PARD3B: variants seen among roughly 807,000 people sequenced by gnomAD.
PARD3B encodes the protein partitioning defective 3 homolog B.
PARD3B carries 103 observed loss-of-function variants against 130.2 expected under a neutral mutation model. That is an observed-to-expected ratio of 0.79 (90% CI 0.67 to 0.93). The LOEUF is 0.93. PARD3B is among the 40% of genes least tolerant of loss of function. The pLI, the probability that PARD3B is intolerant of heterozygous loss-of-function variation, is 0.00. For synonymous variants in PARD3B, 583 were observed against 553.2 expected (o/e 1.05, Z -0.76); for missense variants, 1,609 against 1,499.2 (o/e 1.07, Z -1.21).
chr2:204,877,997 A>G (rs543426557), intron 2 of PARD3B, among the ~76,000 whole-genome samples: 25 of 152,332 alleles, frequency 1.6e-4, no homozygotes, highest in Admixed American at 3.3e-4. Context: ...GTTGTAAATG[A>G]AAAAGCTGCC....
rs771092713 is a variant in PARD3B at position 204,610,913 on chromosome 2, C to T, written c.120+64794C>T. Among the ~76,000 whole-genome samples the T allele has an allele frequency of 1.3e-5, 2 of 152,062 alleles. No individual in the cohort carries two copies. The highest frequency in any genetic ancestry group is 2.9e-5 in the Non-Finnish European group (2 of 67,996). On this transcript the variant is annotated intron_variant, in intron 1 of 22. Transcript: ENST00000406610. This position sits in a 1 kb window ranked among gnomAD's most constrained non-coding sequence, Gnocchi z 4.1. ...AATTTACTCAGATTTTTGAAGATTC[C>T]AAAGACATTTTACAATGTACACTGA...
At chr2:204,834,878 C>T (rs962512287) in intron 2 of PARD3B, among the ~76,000 whole-genome samples, 1 of 152,120 alleles carries the variant, frequency 6.6e-6, no homozygotes, top group Non-Finnish European at 1.5e-5. Context: ...GTTTTTAGTC[C>T]TGATTCTAAG....
intron 2 of PARD3B, among the ~76,000 whole-genome samples, chr2:204,886,047 T>G (rs571457982): frequency 1.3e-5 from 2 of 152,318 alleles, no homozygotes; most frequent in African/African-American, 4.8e-5. Context: ...TTCCCATCGT[T>G]ATTTTCTGTT....
At chr2:205,252,853 C>CCCCA (rs2039916027) in intron 16 of PARD3B, among the ~76,000 whole-genome samples, 7 of 80,450 alleles carry the variant, frequency 8.7e-5, no homozygotes, top group East Asian at 4.3e-4. Context: ...CCCCCCCCAC[C>CCCCA]AAAAAAAAAA....
intron 15 of PARD3B, among the ~76,000 whole-genome samples, chr2:205,206,542 G>T (rs1217176383): frequency 6.6e-6 from 1 of 151,190 alleles, no homozygotes; most frequent in Non-Finnish European, 1.5e-5. Context: ...CAAAGGACAT[G>T]AACTCATCAT....
intron 16 of PARD3B, among the ~76,000 whole-genome samples, chr2:205,271,366 A>C (rs1028762384): frequency 6.6e-6 from 1 of 152,236 alleles, no homozygotes; most frequent in Non-Finnish European, 1.5e-5. Flanking sequence ...GGACACCCCC[A>C]TAATCCCCTT....
At chr2:204,785,964 A>T (rs1474820197) in intron 2 of PARD3B, among the ~76,000 whole-genome samples, 1 of 151,918 alleles carries the variant, frequency 6.6e-6, no homozygotes, top group Admixed American at 6.6e-5. Flanking sequence ...AATACAAAAA[A>T]ATAGCTGGGC....
intron 2 of PARD3B, among the ~76,000 whole-genome samples, chr2:204,704,604 C>G (rs947511971): frequency 2.0e-5 from 3 of 152,136 alleles, no homozygotes; most frequent in African/African-American, 4.8e-5. Context: ...TATTATCTTG[C>G]TTTGCTAATC....
intron 2 of PARD3B, among the ~76,000 whole-genome samples, chr2:204,946,924 G>A (rs1689374761): frequency 6.6e-6 from 1 of 152,156 alleles, no homozygotes; most frequent in South Asian, 2.1e-4. Flanking sequence ...ACACCAAAAT[G>A]TTCAGCTCAT....
Position 205,352,150 on chromosome 2 carries a change from C to T in PARD3B, c.2631-48863C>T, listed in dbSNP as rs1412730803. Among the ~76,000 whole-genome samples the T allele has an allele frequency of 6.6e-6, 1 of 152,072 alleles. No individual in the cohort carries two copies. The highest frequency in any genetic ancestry group is 1.5e-5 in the Non-Finnish European group (1 of 68,016). On this transcript the variant is annotated intron_variant, in intron 18 of 22. Coordinates refer to ENST00000406610, the MANE Select transcript of PARD3B (RefSeq NM_001302769.2). This position sits in a 1 kb window ranked among gnomAD's most constrained non-coding sequence, Gnocchi z 5.2. Reference sequence around the variant, plus strand: ...ACGGTATTTGTCATTGAGCTTAGTGCTTTTTGTAGGGTCGGCATATTATAG... The same window carrying T: ...ACGGTATTTGTCATTGAGCTTAGTGTTTTTTGTAGGGTCGGCATATTATAG...
chr2:204,550,063 C>T (rs1315086523), intron 1 of PARD3B, among the ~76,000 whole-genome samples: 1 of 152,126 alleles, frequency 6.6e-6, no homozygotes, highest in Admixed American at 6.5e-5. Flanking sequence ...TTAAAGTGAA[C>T]ATTCATTTTA....
intron 3 of PARD3B, among the ~76,000 whole-genome samples, chr2:205,033,845 T>C (rs1400698727): frequency 6.6e-6 from 1 of 152,126 alleles, no homozygotes; most frequent in Non-Finnish European, 1.5e-5. Context: ...AACTGAAAGA[T>C]CAACTGTCAG....
intron 2 of PARD3B, 23 bp downstream of exon 2, chr2:204,686,305 C>A (rs2037083815): frequency 6.5e-7 from 1 of 1,534,164 alleles, no homozygotes; most frequent in Admixed American, 1.7e-5. Context: ...AAAAATGTGC[C>A]TCTTTGTTTT....
chr2:205,549,391 T>C (rs965878772), intron 21 of PARD3B, among the ~76,000 whole-genome samples: 6 of 152,184 alleles, frequency 3.9e-5, no homozygotes, highest in African/African-American at 1.4e-4. Context: ...AACTAAGATG[T>C]ATTTTAGTAG....
intron 3 of PARD3B, 53 bp from the exon 4 acceptor site, chr2:205,047,528 C>T: frequency 1.7e-6 from 2 of 1,201,368 alleles, no homozygotes. Flanking sequence ...GTGTCATGCA[C>T]TCTCTTCACC....
intron 8 of PARD3B, among the ~76,000 whole-genome samples, chr2:205,123,791 T>A (rs1323867824): frequency 1.3e-5 from 2 of 152,028 alleles, no homozygotes; most frequent in Non-Finnish European, 2.9e-5. Flanking sequence ...TAGAGAAATC[T>A]GAGCATACCT....
intron 16 of PARD3B, among the ~76,000 whole-genome samples, chr2:205,257,362 A>G (rs1443012971): frequency 6.6e-6 from 1 of 151,498 alleles, no homozygotes; most frequent in African/African-American, 2.4e-5. Context: ...CCAAACCACA[A>G]CTGCAAAAGA....
chr2:204,596,965 T>C (rs1053178414), intron 1 of PARD3B, among the ~76,000 whole-genome samples: 1 of 151,256 alleles, frequency 6.6e-6, no homozygotes, highest in Non-Finnish European at 1.5e-5. Flanking sequence ...TCTCTCTCTA[T>C]ATATATATTA....
At chr2:204,674,527 G>C (rs1448213988) in intron 1 of PARD3B, among the ~76,000 whole-genome samples, 4 of 136,540 alleles carry the variant, frequency 2.9e-5, no homozygotes, top group Non-Finnish European at 6.4e-5. Context: ...GTGTGGGAGG[G>C]GGGTGGGTGT....
Sources: gnomAD v4.1 joint callset for allele counts (sites outside exome capture counted in the v4.1 genomes callset) on GRCh38, gnomAD v4.1.1 for gene constraint, Gnocchi (gnomAD v3.1) non-coding constraint, MANE v1.5 for transcripts, NCBI Gene and HGNC (gene_info 2026-07-23, HGNC 2026-07-21) for gene names.